TAS2R1: variants seen among roughly 807,000 people sequenced by gnomAD.
TAS2R1 encodes the protein taste receptor type 2 member 1.
For synonymous variants in TAS2R1, 141 were observed against 134.2 expected (o/e 1.05, Z -0.35); for missense variants, 370 against 353.4 (o/e 1.05, Z -0.38).
chr5:9,784,069 A>T, the TAS2R1 span, among the ~76,000 whole-genome samples: 19 of 152,356 alleles, frequency 1.2e-4, no homozygotes, highest in African/African-American at 4.6e-4. Context: ...GTGAAGTTTA[A>T]ATAAGTTAAT....
the TAS2R1 span, among the ~76,000 whole-genome samples, chr5:9,789,174 G>A: frequency 8.5e-5 from 13 of 152,274 alleles, no homozygotes; most frequent in South Asian, 2.7e-3. Flanking sequence ...CAACCCAGGA[G>A]CCTGGGAAAG....
the TAS2R1 span, among the ~76,000 whole-genome samples, chr5:9,817,300 T>A: frequency 6.6e-6 from 1 of 152,254 alleles, no homozygotes; most frequent in South Asian, 2.1e-4. Flanking sequence ...TTTTCTATTT[T>A]GCACATGCCT....
chr5:9,722,301 T>C, the TAS2R1 span, among the ~76,000 whole-genome samples: 1 of 152,252 alleles, frequency 6.6e-6, no homozygotes, highest in African/African-American at 2.4e-5. Flanking sequence ...CCCAGATTCC[T>C]GACCCATAGA....
At chr5:9,768,846 T>C in the TAS2R1 span, among the ~76,000 whole-genome samples, 2 of 152,228 alleles carry the variant, frequency 1.3e-5, no homozygotes, top group African/African-American at 2.4e-5. Flanking sequence ...GATATAGGCA[T>C]ACAATGCATA....
At chr5:9,846,696 C>A in the TAS2R1 span, among the ~76,000 whole-genome samples, 2 of 146,776 alleles carry the variant, frequency 1.4e-5, no homozygotes, top group Non-Finnish European at 3.0e-5. Flanking sequence ...CACACACACA[C>A]AAACTAAGAC....
the TAS2R1 span, among the ~76,000 whole-genome samples, chr5:9,854,955 A>C: frequency 2.6e-3 from 391 of 152,264 alleles, 1 homozygote; most frequent in Non-Finnish European, 4.0e-3. Context: ...ACAACTCTGA[A>C]AGTCTTAGAG....
chr5:9,706,392 A>T (rs2126529584), intron 1 of TAS2R1, among the ~76,000 whole-genome samples: 1 of 152,294 alleles, frequency 6.6e-6, no homozygotes, highest in Admixed American at 6.5e-5. Context: ...CACAAGTAGG[A>T]ACTGTCCAGT....
At chr5:9,740,364 G>C in the TAS2R1 span, among the ~76,000 whole-genome samples, 1 of 152,158 alleles carries the variant, frequency 6.6e-6, no homozygotes, top group African/African-American at 2.4e-5. Flanking sequence ...AGTAAAGAAT[G>C]CAGTCTGGCT....
At chr5:9,802,065 A>G in the TAS2R1 span, among the ~76,000 whole-genome samples, 1 of 152,192 alleles carries the variant, frequency 6.6e-6, no homozygotes, top group Admixed American at 6.5e-5. Flanking sequence ...TCTTCCTTAT[A>G]GTACCATAGC....
the TAS2R1 span, among the ~76,000 whole-genome samples, chr5:9,795,967 C>T: frequency 6.6e-6 from 1 of 152,200 alleles, no homozygotes; most frequent in Non-Finnish European, 1.5e-5. Context: ...CTCTCCCTCA[C>T]CGAAACATAC....
the TAS2R1 span, among the ~76,000 whole-genome samples, chr5:9,781,151 T>C: frequency 4.6e-5 from 7 of 152,246 alleles, no homozygotes; most frequent in Non-Finnish European, 1.0e-4. Context: ...GTCCAAATTG[T>C]TTTGTGTATC....
the TAS2R1 span, among the ~76,000 whole-genome samples, chr5:9,833,979 T>C: frequency 1.2e-4 from 18 of 152,288 alleles, no homozygotes; most frequent in Middle Eastern, 6.8e-3. Flanking sequence ...CAGCTGACAT[T>C]GTAAGCAGGC....
chr5:9,697,283 C>T (rs897269208), intron 1 of TAS2R1, among the ~76,000 whole-genome samples: 18 of 151,996 alleles, frequency 1.2e-4, no homozygotes, highest in African/African-American at 3.6e-4. Context: ...ATTTTGTTCA[C>T]GTTCAAAATA....
chr5:9,745,419 G>T, the TAS2R1 span, among the ~76,000 whole-genome samples: 4 of 151,888 alleles, frequency 2.6e-5, no homozygotes, highest in East Asian at 7.7e-4. Flanking sequence ...AATACAAATG[G>T]AGGTCACTGA....
chr5:9,771,750 G>A, the TAS2R1 span, among the ~76,000 whole-genome samples: 5 of 152,022 alleles, frequency 3.3e-5, no homozygotes, highest in East Asian at 9.6e-4. Context: ...TAGATTGTAT[G>A]TGTCCAGCAA....
chr5:9,819,289 TCAC>T, the TAS2R1 span, among the ~76,000 whole-genome samples: 2 of 152,124 alleles, frequency 1.3e-5, no homozygotes, highest in African/African-American at 4.8e-5. Flanking sequence ...GGACTCGAGG[TCAC>T]CATCGCTCAG....
At chr5:9,731,038 T>C in the TAS2R1 span, among the ~76,000 whole-genome samples, 1 of 152,074 alleles carries the variant, frequency 6.6e-6, no homozygotes, top group Non-Finnish European at 1.5e-5. Context: ...AACAGACTAA[T>C]ACATAGCACA....
intron 1 of TAS2R1, among the ~76,000 whole-genome samples, chr5:9,702,481 C>T (rs1183833408): frequency 6.6e-6 from 1 of 151,948 alleles, no homozygotes; most frequent in Non-Finnish European, 1.5e-5. Context: ...GCCGTTGGTG[C>T]CGAGGGGGAA....
chr5:9,704,439 C>T (rs535239473), intron 1 of TAS2R1, among the ~76,000 whole-genome samples: 37 of 151,986 alleles, frequency 2.4e-4, no homozygotes, highest in African/African-American at 6.3e-4. Context: ...GCTGGCTGCT[C>T]GTGAGCTGTG....
Sources: gnomAD v4.1 joint callset for allele counts (sites outside exome capture counted in the v4.1 genomes callset) on GRCh38, gnomAD v4.1.1 for gene constraint, MANE v1.5 for transcripts, NCBI Gene and HGNC (gene_info 2026-07-23, HGNC 2026-07-21) for gene names.